Variants in INSIG2 observed in about 807,000 individuals in gnomAD.
INSIG2 encodes the protein insulin-induced gene 2 protein.
A neutral mutation model predicts 27.2 loss-of-function variants in INSIG2; 10 were observed. The observed-to-expected ratio is 0.37, with a 90% CI of 0.23 to 0.62. The LOEUF is 0.62. Ranked by LOEUF, INSIG2 falls within the 20% of genes least tolerant of loss-of-function variation. INSIG2 has a pLI of 0.65. For synonymous variants in INSIG2, 97 were observed against 95.8 expected, an observed-to-expected ratio of 1.01 and a Z score of -0.07; for missense variants, 178 against 270.2, an observed-to-expected ratio of 0.66 and a Z score of 2.39.
At position 118,110,034 on chromosome 2, in the gene INSIG2, G is replaced by A. The variant is rs1678776803; in HGVS notation, c.*1712G>A. The stretch of plus-strand genomic sequence containing the variant: ...TATGTAATTATCATCTGGGTTAAGA[G>A]TCTGTTTTTCTTCTTTGTGGTAAGT... On this transcript the variant is annotated 3_prime_UTR_variant, in exon 6 of 6. Transcript: ENST00000245787. 1 of 152,534 alleles carries A rather than the reference G, an allele frequency of 6.6e-6. No homozygotes were observed. The highest frequency in any genetic ancestry group is 2.1e-4 in the South Asian group (1 of 4,822). The allele number at this position is 152,534 out of a possible 1,614,324, so 9.4% of individuals were successfully genotyped here.
intron 2 of INSIG2, among the ~76,000 whole-genome samples, chr2:118,097,564 T>C (rs551611240): frequency 6.6e-5 from 10 of 152,340 alleles, no homozygotes; most frequent in African/African-American, 2.4e-4. Flanking sequence ...GGGCAGTGTG[T>C]AATGCATAGA....
In INSIG2 at chr2:118,104,389, G is replaced by T. The variant is rs144755894; in HGVS notation, c.369+1068G>T. ...CACATCTGCCTTCCTCTGCACAGTT[G>T]TGCTGGCTGTTGCAGGTCTGTGAAT... On this transcript the variant is annotated intron_variant, in intron 3 of 5. Transcript: ENST00000245787. Among the ~76,000 whole-genome samples the T allele has an allele frequency of 4.8e-3, 732 of 152,314 alleles. 4 individuals carry two copies. Among genetic ancestry groups the T allele is most frequent in the African/African-American group, 0.017 (687 of 41,568 alleles).
chr2:118,108,177 C>T, intron 5 of INSIG2, 104 bp from the exon 6 acceptor site: 8 of 687,276 alleles, frequency 1.2e-5, no homozygotes, highest in Non-Finnish European at 2.0e-5. Flanking sequence ...TAAATGGGCA[C>T]ATAGTAATAA....
At position 118,106,647 on chromosome 2, in the gene INSIG2, T is replaced by G. The variant is rs1389260402; in HGVS notation, c.370-90T>G. 6 of 1,005,762 alleles carry G rather than the reference T, an allele frequency of 6.0e-6. No homozygotes were observed. The African/African-American group carries it at 8.1e-5, about 14-fold the overall frequency. 62.3% of individuals were successfully genotyped at this position (1,005,762 alleles called of 1,614,324 possible). ...CTTGAGTAGAAGCAATTAATTCCCT[T>G]CTCAACAGAGGCATCTCTTATTTAG... On this transcript the variant is annotated intron_variant, in intron 3 of 5. Coordinates refer to ENST00000245787, the MANE Select transcript of INSIG2 (RefSeq NM_016133.4).
In INSIG2 at chr2:118,096,705, A is replaced by ACCTG. The variant is rs770287324; in HGVS notation, c.149_150insCCTG (p.Gln50HisfsTer13). The ACCTG allele has an allele frequency of 3.7e-6, 6 of 1,613,966 alleles. No homozygotes were observed. The highest frequency in any genetic ancestry group is 5.1e-6 in the Non-Finnish European group (6 of 1,179,978). The stretch of plus-strand genomic sequence containing the variant: ...CTTGCATTAGTGTTAAATTTACTTC[A>ACCTG]GATTCAGAGAAATGTGACGCTCTTT... On this transcript the variant is annotated frameshift_variant, in exon 2 of 6. Coordinates refer to ENST00000245787, the MANE Select transcript of INSIG2 (RefSeq NM_016133.4). LOFTEE classifies it high-confidence loss of function.
At chr2:118,108,031 C>T (rs1389560102) in intron 5 of INSIG2, among the ~76,000 whole-genome samples, 1 of 152,128 alleles carries the variant, frequency 6.6e-6, no homozygotes, top group Non-Finnish European at 1.5e-5. Context: ...CCACTACTTG[C>T]TTGTAATGCA....
intron 1 of INSIG2, among the ~76,000 whole-genome samples, chr2:118,090,265 G>T (rs1352083): frequency 6.6e-6 from 1 of 151,940 alleles, no homozygotes; most frequent in East Asian, 1.9e-4. Context: ...CTTCTTTTAC[G>T]GCTAATCATT....
chr2:118,107,312 C>G, intron 5 of INSIG2, 123 bp downstream of exon 5: 1 of 657,640 alleles, frequency 1.5e-6, no homozygotes. Flanking sequence ...TTTTGCACTT[C>G]CATTGAAATA....
At chr2:118,108,084 T>G (rs1678718831) in intron 5 of INSIG2, among the ~76,000 whole-genome samples, 197 bp from the exon 6 acceptor site, 1 of 152,190 alleles carries the variant, frequency 6.6e-6, no homozygotes, top group Non-Finnish European at 1.5e-5. Flanking sequence ...GCTTTTTCAC[T>G]TCCAGAATGT....
rs775119155 is a variant in INSIG2 at position 118,106,850 on chromosome 2, T to C, written c.483T>C (p.Ile161=). 5.6e-6 allele frequency: 9 copies of C among 1,614,162 alleles called. No homozygotes were observed. The South Asian group carries it at 9.9e-5, about 18-fold the overall frequency. Residue 161 remains isoleucine (I), a synonymous_variant, in exon 4 of 6, where the codon ATT becomes ATC. Transcript: ENST00000245787. ...SRSGFGLGVG[I]AFLATVVTQL... ...GTGGTTTTGGCCTTGGAGTAGGAAT[T>C]GCCTTCTTGGCAACTGTGGTCACTC...
intron 4 of INSIG2, 49 bp downstream of exon 4, chr2:118,106,952 A>G (rs749809417): frequency 1.3e-6 from 2 of 1,586,722 alleles, no homozygotes; most frequent in Non-Finnish European, 1.7e-6. Flanking sequence ...AGATAAATAA[A>G]TGATAACCGC....
chr2:118,089,872 T>C (rs2104517645), intron 1 of INSIG2, among the ~76,000 whole-genome samples: 1 of 152,352 alleles, frequency 6.6e-6, no homozygotes, highest in South Asian at 2.1e-4. Flanking sequence ...GGAGTAACTT[T>C]TTTAGGCACT....
At chr2:118,106,247 T>G (rs1435541164) in intron 3 of INSIG2, among the ~76,000 whole-genome samples, 4 of 152,242 alleles carry the variant, frequency 2.6e-5, no homozygotes, top group African/African-American at 9.6e-5. Flanking sequence ...ATAGAGAGAA[T>G]GTGGTACCCT....
chr2:118,097,854 G>A (rs964981573), intron 2 of INSIG2, among the ~76,000 whole-genome samples: 2 of 152,210 alleles, frequency 1.3e-5, no homozygotes, highest in African/African-American at 4.8e-5. Flanking sequence ...TGAAGGATGA[G>A]GTTGCGCTTT....
chr2:118,103,113 G>A, intron 2 of INSIG2, 84 bp from the exon 3 acceptor site: 1 of 902,170 alleles, frequency 1.1e-6, no homozygotes, highest in Non-Finnish European at 1.5e-6. Flanking sequence ...TAAAATGCTT[G>A]TGGTGGTTGT....
intron 1 of INSIG2, 165 bp downstream of exon 1, chr2:118,088,706 G>C (rs1208671424): frequency 6.5e-6 from 1 of 152,702 alleles, no homozygotes; most frequent in Non-Finnish European, 1.5e-5. Flanking sequence ...TGCAGGGCAA[G>C]GGGCTCCGCT....
Position 118,108,298 on chromosome 2 carries a change from C to A in INSIG2, c.654C>A (p.Ile218=). 1 of 1,592,498 alleles carries A rather than the reference C, an allele frequency of 6.3e-7. No homozygotes were observed. Among genetic ancestry groups the A allele is most frequent in the East Asian group, 2.3e-5 (1 of 43,540 alleles). ...TTTTGCAGTACGAATGTAAAGTTAT[C>A]GCAGAAAAATCTCATCAGGAATGAA... is the stretch of plus-strand genomic sequence containing the variant. ...RQLAMYECKV[I]AEKSHQE Residue 218 remains isoleucine, a synonymous_variant, in exon 6 of 6, where the codon ATC becomes ATA. Transcript: ENST00000245787.
chr2:118,103,080 G>GTTTTTTTTTT (rs761963504), intron 2 of INSIG2, 117 bp from the exon 3 acceptor site: 1 of 585,072 alleles, frequency 1.7e-6, no homozygotes, highest in Non-Finnish European at 2.5e-6. Context: ...TTTTTTTTTT[G>GTTTTTTTTTT]TTTTTTTTTT....
chr2:118,091,259 A>C (rs952490156), intron 1 of INSIG2, among the ~76,000 whole-genome samples: 20 of 152,198 alleles, frequency 1.3e-4, no homozygotes, highest in South Asian at 2.1e-4. Context: ...CTTTTAAAGG[A>C]ATTTCATTGT....
Sources: gnomAD v4.1 joint callset for allele counts (sites outside exome capture counted in the v4.1 genomes callset) on GRCh38, gnomAD v4.1.1 for gene constraint, MANE v1.5 for transcripts, NCBI Gene and HGNC (gene_info 2026-07-23, HGNC 2026-07-21) for gene names.